Variants in LYN observed in about 807,000 individuals in gnomAD.
LYN encodes the protein tyrosine-protein kinase Lyn.
Under a neutral mutation model 65.0 loss-of-function variants are expected in LYN, and 12 were observed. That is an observed-to-expected ratio of 0.18 (90% CI 0.12 to 0.30). The LOEUF (loss-of-function observed/expected upper bound fraction) is 0.30, where lower values mean the gene tolerates loss of function less well. LYN is among the 10% of genes least tolerant of loss of function. The pLI is 1.00. For synonymous variants in LYN, 222 were observed against 221.2 expected (o/e 1.00, Z -0.03); for missense variants, 380 against 623.2 (o/e 0.61, Z 4.16).
intron 10 of LYN, among the ~76,000 whole-genome samples, chr8:55,979,926 C>G (rs372663771): frequency 1.3e-5 from 2 of 152,206 alleles, no homozygotes; most frequent in African/African-American, 4.8e-5. Context: ...GCCTCCTGGC[C>G]TCTTCCCCTC....
rs1348763492 is a variant in LYN, at chr8:56,011,652, TAGGCTTGAGG to T, written c.*1543_*1552del. 2 of 194,498 alleles carry T rather than the reference TAGGCTTGAGG, an allele frequency of 1.0e-5. No homozygotes were observed. Among genetic ancestry groups the T allele is most frequent in the Non-Finnish European group, 2.1e-5 (2 of 93,540 alleles). The allele number at this position is 194,498 out of a possible 1,614,324, so 12.0% of individuals were successfully genotyped here. A position where few individuals can be genotyped will look rare whatever the true frequency, so the allele number is the denominator to read the frequency against. Reference sequence around the variant, plus strand: ...AAAATTTCATTCTGTGTGTTTTGTTTAGGCTTGAGGTGCTTAGAAGATGGGATAAAATATT... The same window carrying T: ...AAAATTTCATTCTGTGTGTTTTGTTTTGCTTAGAAGATGGGATAAAATATT... On this transcript the variant is annotated 3_prime_UTR_variant, in exon 13 of 13. Coordinates refer to ENST00000519728, the MANE Select transcript of LYN (RefSeq NM_002350.4).
chr8:55,896,816 G>T (rs149171754), intron 1 of LYN, among the ~76,000 whole-genome samples: 5,998 of 152,088 alleles, frequency 0.039, 371 homozygotes, highest in African/African-American at 0.13. Context: ...TCGGCTCCCC[G>T]CAACCTCTGC....
chr8:55,947,240 A>T (rs2130485522), intron 3 of LYN, among the ~76,000 whole-genome samples: 1 of 152,296 alleles, frequency 6.6e-6, no homozygotes, highest in African/African-American at 2.4e-5. Context: ...CAAGAGCGAG[A>T]CTCCGTCTCA....
At chr8:55,911,326 T>C (rs1261122191) in intron 1 of LYN, among the ~76,000 whole-genome samples, 1 of 132,040 alleles carries the variant, frequency 7.6e-6, no homozygotes, top group Non-Finnish European at 1.6e-5. Context: ...TTCACCATGC[T>C]GGTCAGGCTG....
At chr8:55,981,862 G>T (rs2719246) in intron 10 of LYN, among the ~76,000 whole-genome samples, 17,223 of 152,250 alleles carry the variant, frequency 0.11, 1,323 homozygotes, top group Middle Eastern at 0.18. Context: ...GCTTTGTTTT[G>T]CATTCCTTGT....
chr8:55,962,301 G>T (rs1293030092), intron 8 of LYN, among the ~76,000 whole-genome samples: 1 of 152,118 alleles, frequency 6.6e-6, no homozygotes, highest in East Asian at 1.9e-4. Context: ...CCATGCTTTT[G>T]GGTGTGGCTA....
chr8:55,957,351 C>A (rs1052081658), intron 8 of LYN, among the ~76,000 whole-genome samples: 3 of 152,120 alleles, frequency 2.0e-5, no homozygotes, highest in Non-Finnish European at 4.4e-5. Context: ...TAAAACAGAG[C>A]CATAAATAAT....
chr8:56,005,901 T>C (rs973350570), intron 12 of LYN, among the ~76,000 whole-genome samples: 2 of 151,922 alleles, frequency 1.3e-5, no homozygotes, highest in Non-Finnish European at 2.9e-5. Context: ...CTGGGCAACA[T>C]AGCAAAACCC....
chr8:55,943,704 A>G (rs930795484), intron 2 of LYN, among the ~76,000 whole-genome samples: 5 of 152,152 alleles, frequency 3.3e-5, no homozygotes, highest in African/African-American at 9.6e-5. Context: ...ATATGTCCCC[A>G]TTACCCTGAA....
At position 55,989,185 on chromosome 8, in the gene LYN, G is replaced by T. The variant is rs535518057; in HGVS notation, c.1051-9161G>T. ...GCTTGCTGGAAGCCGGTTTCACCGT[G>T]TGGGATGCTGGGGTTGACAGACTTC... is the stretch of plus-strand genomic sequence containing the variant. On this transcript the variant is annotated intron_variant, in intron 10 of 12. Transcript: ENST00000519728. Among the ~76,000 whole-genome samples, 17 of 152,358 alleles carry T rather than the reference G, an allele frequency of 1.1e-4. No individual in the cohort carries two copies. In the East Asian group the frequency reaches 2.5e-3, roughly 22 times the overall value.
At chr8:55,995,886 T>C (rs1328030158) in intron 10 of LYN, among the ~76,000 whole-genome samples, 1 of 152,192 alleles carries the variant, frequency 6.6e-6, no homozygotes, top group African/African-American at 2.4e-5. Context: ...GAGACTGATG[T>C]AGGCCACACT....
rs996711528 is a variant in LYN, at chr8:56,005,943, A to C, written c.1337-3965A>C. Among the ~76,000 whole-genome samples the C allele has an allele frequency of 4.6e-5, 7 of 151,904 alleles. 1 individual carries two copies. The highest frequency in any genetic ancestry group is 4.6e-4 in the Admixed American group (7 of 15,240). ...TACAAAATAATTTAAAAATTACCAGAGTATGGTGGTACGCACCTGTAGTCT... is the reference window on the plus strand; with the variant it reads ...TACAAAATAATTTAAAAATTACCAGCGTATGGTGGTACGCACCTGTAGTCT... On this transcript the variant is annotated intron_variant, in intron 12 of 12. Coordinates refer to ENST00000519728, the MANE Select transcript of LYN (RefSeq NM_002350.4).
chr8:55,983,856 T>A (rs542452753), intron 10 of LYN, among the ~76,000 whole-genome samples: 1 of 152,220 alleles, frequency 6.6e-6, no homozygotes, highest in Non-Finnish European at 1.5e-5. Context: ...ATTGAAAGCA[T>A]TGTATTAATT....
chr8:55,964,661 G>A (rs1277122632), intron 8 of LYN, among the ~76,000 whole-genome samples: 1 of 152,220 alleles, frequency 6.6e-6, no homozygotes, highest in Non-Finnish European at 1.5e-5. Flanking sequence ...GAGGTCAGGA[G>A]TTCAAGACCA....
chr8:55,924,165 C>T (rs548073520), intron 1 of LYN, among the ~76,000 whole-genome samples: 1 of 151,982 alleles, frequency 6.6e-6, no homozygotes, highest in South Asian at 2.1e-4. Flanking sequence ...AACAGCACTA[C>T]CTTGAGTGAG....
chr8:56,004,118 G>A (rs1420855429), intron 12 of LYN, among the ~76,000 whole-genome samples: 1 of 151,278 alleles, frequency 6.6e-6, no homozygotes, highest in East Asian at 1.9e-4. Flanking sequence ...TTTTAGTAGA[G>A]ATGGGGTTTC....
intron 12 of LYN, among the ~76,000 whole-genome samples, chr8:56,006,574 C>T (rs1200442318): frequency 6.6e-6 from 1 of 152,222 alleles, no homozygotes; most frequent in Non-Finnish European, 1.5e-5. Flanking sequence ...CAGATGCCAC[C>T]TTCTGCTCCC....
Position 55,996,979 on chromosome 8 carries a change from G to A in LYN, c.1051-1367G>A, listed in dbSNP as rs1019394093. Among the ~76,000 whole-genome samples the A allele has an allele frequency of 3.1e-4, 47 of 151,936 alleles. 1 individual carries two copies. The highest frequency in any genetic ancestry group is 1.1e-3 in the African/African-American group (45 of 41,358). On this transcript the variant is annotated intron_variant, in intron 10 of 12. Transcript: ENST00000519728. ...CTACTAAAAATACAAAAACTAGCAT[G>A]GTGAAACCCCGTCTGTACTAAAAAT...
At position 55,880,062 on chromosome 8, in the gene LYN, C is replaced by A; in HGVS notation, c.-47C>A. 1 of 317,698 alleles carries A rather than the reference C, an allele frequency of 3.1e-6. No individual in the cohort carries two copies. 19.7% of individuals were successfully genotyped at this position (317,698 alleles called of 1,614,324 possible). On this transcript the variant is annotated 5_prime_UTR_variant, in exon 1 of 13. Transcript: ENST00000519728. ...CGCGCCCCCCACTCTGAACTCAAGTCACCGTGGAGCTCCGCCGCCCCGAAA... is the reference window on the plus strand; with the variant it reads ...CGCGCCCCCCACTCTGAACTCAAGTAACCGTGGAGCTCCGCCGCCCCGAAA...
Sources: gnomAD v4.1 joint callset for allele counts (sites outside exome capture counted in the v4.1 genomes callset) on GRCh38, gnomAD v4.1.1 for gene constraint, MANE v1.5 for transcripts, NCBI Gene and HGNC (gene_info 2026-07-23, HGNC 2026-07-21) for gene names.